ATAD3A: variants seen among roughly 807,000 people sequenced by gnomAD.
The protein encoded by ATAD3A is ATPase family AAA domain-containing protein 3A.
In ATAD3A, 46 loss-of-function variants were observed where a neutral mutation model predicts 73.8. The observed-to-expected ratio is 0.62, with a 90% confidence interval of 0.49 to 0.80. The LOEUF is 0.80. ATAD3A is among the 30% of genes least tolerant of loss of function. ATAD3A has a pLI of 0.00. For missense variants in ATAD3A, 705 were observed against 838.0 expected (o/e 0.84, Z 1.96); for synonymous variants, 319 against 350.0 (o/e 0.91, Z 0.99).
intron 13 of ATAD3A, among the ~76,000 whole-genome samples, chr1:1,526,836 G>T (rs2100675647): frequency 6.6e-6 from 1 of 152,326 alleles, no homozygotes; most frequent in East Asian, 1.9e-4. Context: ...GCCTGCAAGG[G>T]AGGTGGTCTC....
rs1642010046 is a variant in ATAD3A, at chr1:1,530,851, A to AC, written c.1614+1520_1614+1521insC. ...CTCAAAAAAAAAAAAAAAAAAAAAA[A>AC]AAAACTAAGAATAATTTGGAACGAG... On this transcript the variant is annotated intron_variant, in intron 15 of 15. Transcript: ENST00000378756. Among the ~76,000 whole-genome samples the AC allele has an allele frequency of 4.1e-5, 6 of 146,042 alleles. 1 individual carries two copies. Among genetic ancestry groups the AC allele is most frequent in the African/African-American group, 1.6e-4 (6 of 37,756 alleles).
intron 3 of ATAD3A, 23 bp from the exon 4 acceptor site, chr1:1,517,693 T>C: frequency 7.7e-7 from 1 of 1,295,074 alleles, no homozygotes; most frequent in Non-Finnish European, 1.1e-6. Flanking sequence ...GAGATGTGTC[T>C]TTGCCGCCCT....
At chr1:1,521,255 C>A (rs1281259723) in intron 7 of ATAD3A, among the ~76,000 whole-genome samples, 2 of 133,756 alleles carry the variant, frequency 1.5e-5, no homozygotes, top group Non-Finnish European at 3.1e-5. Context: ...GTCGAGATCA[C>A]GCTACTGCAC....
rs1373449213 is a variant in ATAD3A, at chr1:1,533,792, C to T, written c.1615-134C>T. ...ACACGTGCTGGGCTCTGCCGAGGTGCGGGAAGCCTGTGTTTCACGCTCAGG... is the reference window on the plus strand; with the variant it reads ...ACACGTGCTGGGCTCTGCCGAGGTGTGGGAAGCCTGTGTTTCACGCTCAGG... On this transcript the variant is annotated intron_variant, in intron 15 of 15. Transcript: ENST00000378756. 6.1e-5 allele frequency: 78 copies of T among 1,277,724 alleles called. 1 individual carries two copies. The highest frequency in any genetic ancestry group is 2.3e-4 in the South Asian group (15 of 65,494). The allele number at this position is 1,277,724 out of a possible 1,614,324, so 79.1% of individuals were successfully genotyped here.
intron 13 of ATAD3A, 92 bp downstream of exon 13, chr1:1,526,623 A>G (rs960529203): frequency 1.3e-6 from 2 of 1,593,794 alleles, no homozygotes; most frequent in Non-Finnish European, 1.7e-6. Flanking sequence ...GCCCTGGCTC[A>G]CAGTGCTGGG....
chr1:1,528,861 G>A (rs2100680770), intron 14 of ATAD3A, among the ~76,000 whole-genome samples: 2 of 152,328 alleles, frequency 1.3e-5, no homozygotes, highest in African/African-American at 4.8e-5. Context: ...CCCCATGGCT[G>A]CTCGTAGCCC....
chr1:1,530,518 C>T (rs1300209876), intron 15 of ATAD3A, among the ~76,000 whole-genome samples: 1 of 149,894 alleles, frequency 6.7e-6, no homozygotes, highest in Non-Finnish European at 1.5e-5. Context: ...GATTACAGAG[C>T]AAGACCCTGT....
intron 4 of ATAD3A, among the ~76,000 whole-genome samples, chr1:1,518,071 A>G (rs994365033): frequency 1.3e-5 from 2 of 151,370 alleles, no homozygotes; most frequent in African/African-American, 2.4e-5. Context: ...ACACACGGGC[A>G]CACACACACC....
In ATAD3A at chr1:1,534,662, T is replaced by G. The variant is rs1219270675; in HGVS notation, c.*590T>G. On this transcript the variant is annotated 3_prime_UTR_variant, in exon 16 of 16. Transcript: ENST00000378756. Reference sequence around the variant, plus strand: ...TGGCTGGAGCTGGGGTCTGTTTACCTAATAAAGTCCCACAGGTGCCTCATT... The same window carrying G: ...TGGCTGGAGCTGGGGTCTGTTTACCGAATAAAGTCCCACAGGTGCCTCATT... 1.2e-5 allele frequency: 2 copies of G among 162,378 alleles called. No individual in the cohort carries two copies. The highest frequency in any genetic ancestry group is 4.8e-5 in the African/African-American group (2 of 41,674). 10.1% of individuals were successfully genotyped at this position (162,378 alleles called of 1,614,324 possible).
chr1:1,516,707 C>T (rs183490609), intron 2 of ATAD3A, among the ~76,000 whole-genome samples: 2 of 152,076 alleles, frequency 1.3e-5, no homozygotes, highest in East Asian at 1.9e-4. Context: ...GCCACTGTGC[C>T]TGCCTTGTTT....
chr1:1,513,631 T>C lies in ATAD3A; in HGVS notation c.205+1158T>C, dbSNP rs141645514. Among the ~76,000 whole-genome samples, 1,099 of 152,212 alleles carry C rather than the reference T, an allele frequency of 7.2e-3. 8 individuals are homozygous for C. The highest frequency in any genetic ancestry group is 0.025 in the African/African-American group (1,051 of 41,468). On this transcript the variant is annotated intron_variant, in intron 1 of 15. Transcript: ENST00000378756. ...GTTCCAGGTGTGGGCTCTTTCATTC[T>C]GATCCCTTCCCTCCTTCCTGGCCTC...
At chr1:1,524,238 C>T in intron 10 of ATAD3A, 35 bp from the exon 11 acceptor site, 3 of 1,613,792 alleles carry the variant, frequency 1.9e-6, no homozygotes, top group Non-Finnish European at 2.5e-6. Context: ...GCGGAGGGAA[C>T]ATCTGCTCTG....
chr1:1,521,433 C>T (rs1405935825), intron 7 of ATAD3A, among the ~76,000 whole-genome samples: 2 of 151,538 alleles, frequency 1.3e-5, no homozygotes, highest in African/African-American at 2.4e-5. Context: ...AAGCCTCACT[C>T]TTTTGTGCCC....
Position 1,523,667 on chromosome 1 carries a change from T to G in ATAD3A, c.963+100T>G. On this transcript the variant is annotated intron_variant, in intron 9 of 15. Coordinates refer to ENST00000378756, the MANE Select transcript of ATAD3A (RefSeq NM_001170535.3). The surrounding 1 kb of genome is among the most constrained non-coding windows in gnomAD (Gnocchi z 5.1). ...GGCGCTCGTGGTGGCACCCAGGAGC[T>G]TTTGGGTCCTGAGATGCGACTGCTT... 6.3e-7 allele frequency: 1 copy of G among 1,596,690 alleles called. No individual in the cohort carries two copies. The highest frequency in any genetic ancestry group is 1.1e-5 in the South Asian group (1 of 89,806).
Position 1,523,244 on chromosome 1 carries a change from C to T in ATAD3A, c.907-267C>T, listed in dbSNP as rs1160992504. On this transcript the variant is annotated intron_variant, in intron 8 of 15. Transcript: ENST00000378756. This position sits in a 1 kb window ranked among gnomAD's most constrained non-coding sequence, Gnocchi z 5.1. ...GTGGCCTCCCTGGGGAGCCGCGCCG[C>T]TCGCCGCCCCCGAGGTGCCTGCTCT... Among the ~76,000 whole-genome samples the T allele has an allele frequency of 2.6e-5, 4 of 151,794 alleles. No individual in the cohort carries two copies. The highest frequency in any genetic ancestry group is 3.4e-3 in the Middle Eastern group (1 of 294).
chr1:1,512,624 C>T (rs772706099), intron 1 of ATAD3A, 151 bp downstream of exon 1: 11 of 1,405,878 alleles, frequency 7.8e-6, no homozygotes, highest in South Asian at 3.8e-5. Context: ...AGCCGTGTCG[C>T]GTGCCGGGAG....
chr1:1,534,459 G>C lies in ATAD3A; in HGVS notation c.*387G>C, dbSNP rs1642158361. 2 of 1,180,190 alleles carry C rather than the reference G, an allele frequency of 1.7e-6. No homozygotes were observed. The highest frequency in any genetic ancestry group is 2.2e-6 in the Non-Finnish European group (2 of 925,650). The allele number at this position is 1,180,190 out of a possible 1,614,324, so 73.1% of individuals were successfully genotyped here. On this transcript the variant is annotated 3_prime_UTR_variant, in exon 16 of 16. Transcript: ENST00000378756. ...GTCTTTGTTCTCGGCTCCCACAGCA[G>C]AGCCAGGTGAGGGGGCGCCTGCCAG...
In ATAD3A at chr1:1,527,388, G is replaced by A. The variant is rs190855829; in HGVS notation, c.1338-307G>A. 4.5e-6 allele frequency: 5 copies of A among 1,104,778 alleles called. No homozygotes were observed. The Admixed American group carries it at 1.1e-4, about 23-fold the overall frequency. The allele number at this position is 1,104,778 out of a possible 1,614,324, so 68.4% of individuals were successfully genotyped here. A position where few individuals can be genotyped will look rare whatever the true frequency, so the allele number is the denominator to read the frequency against. Reference sequence around the variant, plus strand: ...GGGCGACTTCTCGACATGGACTCCGGGTCCCGAATCCCTGCTCCCAGCACA... The same window carrying A: ...GGGCGACTTCTCGACATGGACTCCGAGTCCCGAATCCCTGCTCCCAGCACA... On this transcript the variant is annotated intron_variant, in intron 13 of 15. Transcript: ENST00000378756.
intron 7 of ATAD3A, among the ~76,000 whole-genome samples, chr1:1,521,677 G>T (rs1438988750): frequency 1.3e-5 from 2 of 152,246 alleles, no homozygotes; most frequent in East Asian, 1.9e-4. Flanking sequence ...GGACATGACG[G>T]AGCTGCTTAA....
Sources: allele counts gnomAD v4.1 joint callset (sites outside exome capture counted in the v4.1 genomes callset), GRCh38; gene constraint gnomAD v4.1.1; non-coding constraint Gnocchi (gnomAD v3.1); transcripts MANE v1.5; gene names NCBI Gene and HGNC (gene_info 2026-07-23, HGNC 2026-07-21).